The following GPC5 variants were observed in gnomAD, a reference collection of about 807,000 sequenced individuals.
GPC5 encodes glypican 5.
In GPC5, 47 loss-of-function variants were observed where a neutral mutation model predicts 53.9. The observed-to-expected ratio is 0.87, with a 90% CI of 0.69 to 1.11. The LOEUF (loss-of-function observed/expected upper bound fraction) is 1.11. Among genes scored for constraint, GPC5 ranks in the 50% most tolerant of loss-of-function variants. The probability of loss-of-function intolerance (pLI) is 0.00; values close to 1 mark genes in which losing one functional copy is unlikely to be tolerated. For missense variants in GPC5, 748 were observed against 713.1 expected (o/e 1.05, Z -0.56); for synonymous variants, 286 against 263.3 (o/e 1.09, Z -0.84).
chr13:92,215,873 A>T (rs1218957903), intron 7 of GPC5, among the ~76,000 whole-genome samples: 1 of 152,198 alleles, frequency 6.6e-6, no homozygotes, highest in Admixed American at 6.5e-5. Flanking sequence ...CTTAGCCAGG[A>T]CAGCAGTGGG....
chr13:91,676,641 G>A (rs1284728920), intron 2 of GPC5, among the ~76,000 whole-genome samples: 1 of 152,188 alleles, frequency 6.6e-6, no homozygotes, highest in Non-Finnish European at 1.5e-5. Flanking sequence ...AGTAGTGAAT[G>A]TGAATGTCTG....
intron 7 of GPC5, among the ~76,000 whole-genome samples, chr13:92,329,156 C>G (rs2043271886): frequency 6.6e-6 from 1 of 152,092 alleles, no homozygotes; most frequent in Admixed American, 6.6e-5. Context: ...TTTTGAATCT[C>G]TATAAAGAAA....
At chr13:91,536,789 G>A (rs1886610891) in intron 2 of GPC5, among the ~76,000 whole-genome samples, 1 of 152,118 alleles carries the variant, frequency 6.6e-6, no homozygotes, top group African/African-American at 2.4e-5. Flanking sequence ...ATAAATTGTG[G>A]CACAGCTCAC....
rs558879520 is a variant in GPC5 at position 91,762,938 on chromosome 13, A to AT, written c.1280+6526dup. On this transcript the variant is annotated intron_variant, in intron 5 of 7. Coordinates refer to ENST00000377067, the MANE Select transcript of GPC5 (RefSeq NM_004466.6). ...AAATGCACTGTGACACCTATAATAC[A>AT]TTTTTTTTGCATTTATATGTCACAC... 2.2e-3 allele frequency among the ~76,000 whole-genome samples: 335 copies of AT among 151,650 alleles called. 3 individuals are homozygous for AT. The highest frequency in any genetic ancestry group is 6.6e-3 in the African/African-American group (272 of 41,392).
chr13:92,429,470 C>G (rs561714339), intron 7 of GPC5, among the ~76,000 whole-genome samples: 173 of 151,690 alleles, frequency 1.1e-3, no homozygotes, highest in African/African-American at 3.9e-3. Context: ...TAATATTTCT[C>G]TACATAATAC....
At chr13:92,013,080 G>T (rs1414897584) in intron 6 of GPC5, among the ~76,000 whole-genome samples, 2 of 152,320 alleles carry the variant, frequency 1.3e-5, no homozygotes, top group African/African-American at 4.8e-5. Context: ...TATCAGCTCA[G>T]TTGGCCCCTT....
At chr13:92,584,981 C>T (rs975044255) in intron 7 of GPC5, among the ~76,000 whole-genome samples, 10 of 152,020 alleles carry the variant, frequency 6.6e-5, no homozygotes, top group South Asian at 2.1e-4. Context: ...TGTATAAAAA[C>T]GCCTGGATGC....
At chr13:91,954,437 TAAC>T (rs1187873733) in intron 6 of GPC5, among the ~76,000 whole-genome samples, 1 of 152,088 alleles carries the variant, frequency 6.6e-6, no homozygotes, top group Non-Finnish European at 1.5e-5. Context: ...GATATTCAAA[TAAC>T]AATTCGTATA....
At position 91,572,094 on chromosome 13, in the gene GPC5, T is replaced by TATATATAC. The variant is rs1459691888; in HGVS notation, c.326-121093_326-121092insATATATAC. ...ATACACACATATGTATATGTACATG[T>TATATATAC]GTGTGTATATACACACATGTATATA... On this transcript the variant is annotated intron_variant, in intron 2 of 7. Coordinates refer to ENST00000377067, the MANE Select transcript of GPC5 (RefSeq NM_004466.6). Among the ~76,000 whole-genome samples the TATATATAC allele has an allele frequency of 2.4e-3, 307 of 126,150 alleles. 49 individuals are homozygous for TATATATAC. The highest frequency in any genetic ancestry group is 0.012 in the African/African-American group (284 of 22,916). 82.8% of individuals were successfully genotyped at this position (126,150 alleles called of 152,430 possible). A position where few individuals can be genotyped will look rare whatever the true frequency, so the allele number is the denominator to read the frequency against.
chr13:92,375,866 C>T (rs1234618444), intron 7 of GPC5, among the ~76,000 whole-genome samples: 3 of 152,092 alleles, frequency 2.0e-5, no homozygotes, highest in Non-Finnish European at 4.4e-5. Context: ...TGCAGAAATA[C>T]CTAGGTTAGA....
At chr13:91,659,993 G>A (rs948043030) in intron 2 of GPC5, among the ~76,000 whole-genome samples, 6 of 152,186 alleles carry the variant, frequency 3.9e-5, no homozygotes, top group Non-Finnish European at 7.3e-5. Context: ...CAGAGGAATA[G>A]AGAAGCTTAA....
intron 2 of GPC5, among the ~76,000 whole-genome samples, chr13:91,620,389 C>T (rs768006837): frequency 1.3e-5 from 2 of 151,990 alleles, no homozygotes; most frequent in African/African-American, 2.4e-5. Context: ...TTTATGTTTG[C>T]AAATGTTAAT....
At chr13:91,840,752 T>TA (rs1334329094) in intron 5 of GPC5, among the ~76,000 whole-genome samples, 1 of 151,842 alleles carries the variant, frequency 6.6e-6, no homozygotes, top group East Asian at 1.9e-4. Flanking sequence ...TTTTATTTTT[T>TA]TTTTTTTAAA....
At chr13:92,031,047 C>A (rs1188222343) in intron 6 of GPC5, among the ~76,000 whole-genome samples, 2 of 151,972 alleles carry the variant, frequency 1.3e-5, no homozygotes, top group African/African-American at 4.8e-5. Context: ...CTTTGTGATC[C>A]CTCATTTGAT....
chr13:91,465,412 T>C (rs376963829), intron 2 of GPC5, among the ~76,000 whole-genome samples: 3 of 152,164 alleles, frequency 2.0e-5, no homozygotes, highest in African/African-American at 7.2e-5. Context: ...AATGGAATCA[T>C]ACATCATGTA....
chr13:91,833,676 C>T (rs748447112), intron 5 of GPC5, among the ~76,000 whole-genome samples: 38 of 151,974 alleles, frequency 2.5e-4, no homozygotes, highest in East Asian at 3.9e-4. Flanking sequence ...AAAAAGTCTT[C>T]GACAAAATTC....
chr13:91,810,534 A>G (rs2038294002), intron 5 of GPC5, among the ~76,000 whole-genome samples: 1 of 151,988 alleles, frequency 6.6e-6, no homozygotes, highest in Admixed American at 6.6e-5. Flanking sequence ...TAGTTACTAC[A>G]GTAAAACTGT....
rs553843175 is a variant in GPC5, at chr13:91,582,923, C to T, written c.326-110264C>T. ...GGCTGAGGCAGGAGAATTGCTTGAA[C>T]TGGGGAGATGGAGGTTGTAGTGAGC... On this transcript the variant is annotated intron_variant, in intron 2 of 7. Coordinates refer to ENST00000377067, the MANE Select transcript of GPC5 (RefSeq NM_004466.6). 3.3e-5 allele frequency among the ~76,000 whole-genome samples: 5 copies of T among 152,216 alleles called. No individual in the cohort carries two copies. In the South Asian group the frequency reaches 1.0e-3, roughly 32 times the overall value.
intron 1 of GPC5, among the ~76,000 whole-genome samples, chr13:91,435,504 G>T (rs1013490685): frequency 6.6e-6 from 1 of 152,146 alleles, no homozygotes; most frequent in Non-Finnish European, 1.5e-5. Flanking sequence ...ATTTGCGTAT[G>T]TTGAACCAGC....
Sources: gnomAD v4.1 joint callset for allele counts (sites outside exome capture counted in the v4.1 genomes callset) on GRCh38, gnomAD v4.1.1 for gene constraint, MANE v1.5 for transcripts, NCBI Gene and HGNC (gene_info 2026-07-23, HGNC 2026-07-21) for gene names.